BTG1: variants seen among roughly 807,000 people sequenced by gnomAD.
BTG1 encodes the protein protein BTG1.
A neutral mutation model predicts 15.2 loss-of-function variants in BTG1; 2 were observed. The ratio of observed to expected loss-of-function variants is 0.13; its 90% CI spans 0.05 to 0.41. The LOEUF is 0.41. BTG1 is among the 10% of genes least tolerant of loss of function. BTG1 has a pLI of 0.99. For missense variants in BTG1, 149 were observed against 215.0 expected, an observed-to-expected ratio of 0.69 and a Z score of 1.92; for synonymous variants, 109 against 82.4, an observed-to-expected ratio of 1.32 and a Z score of -1.75.
rs1448059014 is a variant in BTG1, at chr12:92,141,831, C to T, written c.*2249G>A. On this transcript the variant is annotated 3_prime_UTR_variant, in exon 2 of 2. Coordinates refer to ENST00000256015, the MANE Select transcript of BTG1 (RefSeq NM_001731.3). ...TTTTATTAACTGTTTCCATCATTTT[C>T]AAAGATTGAAAAAGTCTGATGTCAA... 4.3e-6 allele frequency: 1 copy of T among 231,312 alleles called. No homozygotes were observed. 14.3% of individuals were successfully genotyped at this position (231,312 alleles called of 1,614,324 possible).
At position 92,143,762 on chromosome 12, in the gene BTG1, G is replaced by T. The variant is rs141961372; in HGVS notation, c.*318C>A. On this transcript the variant is annotated 3_prime_UTR_variant, in exon 2 of 2. Transcript: ENST00000256015. The stretch of plus-strand genomic sequence containing the variant: ...GCAGAGAAAGATTCTTTGAAATACA[G>T]ATTTTCTTTAAAAGGATTGATGTAA... The T allele has an allele frequency of 3.3e-6, 1 of 303,728 alleles. No homozygotes were observed. Among genetic ancestry groups the T allele is most frequent in the Non-Finnish European group, 6.1e-6 (1 of 164,148 alleles). The allele number at this position is 303,728 out of a possible 1,614,324, so 18.8% of individuals were successfully genotyped here.
At position 92,143,179 on chromosome 12, in the gene BTG1, C is replaced by T; in HGVS notation, c.*901G>A. On this transcript the variant is annotated 3_prime_UTR_variant, in exon 2 of 2. Transcript: ENST00000256015. ...TATAGAGAGAAGAAAAATTTCTCAT[C>T]CAAAATATAGAAATCTGTACAACTT... 1 of 232,858 alleles carries T rather than the reference C, an allele frequency of 4.3e-6. No individual in the cohort carries two copies. Among genetic ancestry groups the T allele is most frequent in the Non-Finnish European group, 8.5e-6 (1 of 117,642 alleles). 14.4% of individuals were successfully genotyped at this position (232,858 alleles called of 1,614,324 possible). A position where few individuals can be genotyped will look rare whatever the true frequency, so the allele number is the denominator to read the frequency against.
Position 92,145,825 on chromosome 12 carries a change from G to C in BTG1, c.-290C>G, listed in dbSNP as rs556394268. ...GCAGCATTCGAAGATCTCAATAGCT[G>C]CATTTCCAGCTCCGAGAGGCGAAGA... On this transcript the variant is annotated 5_prime_UTR_variant, in exon 1 of 2. Coordinates refer to ENST00000256015, the MANE Select transcript of BTG1 (RefSeq NM_001731.3). 4.1e-6 allele frequency: 1 copy of C among 243,962 alleles called. No individual in the cohort carries two copies. The highest frequency in any genetic ancestry group is 7.9e-6 in the Non-Finnish European group (1 of 126,264). The allele number at this position is 243,962 out of a possible 1,614,324, so 15.1% of individuals were successfully genotyped here.
chr12:92,141,620 A>G lies in BTG1; in HGVS notation c.*2460T>C. Reference sequence around the variant, plus strand: ...TCAAAACATTCCCCAGAAACAGTGAACAAGAAATACATCACAAACAGCTAC... The same window carrying G: ...TCAAAACATTCCCCAGAAACAGTGAGCAAGAAATACATCACAAACAGCTAC... On this transcript the variant is annotated 3_prime_UTR_variant, in exon 2 of 2. Transcript: ENST00000256015. The G allele has an allele frequency of 4.3e-6, 1 of 231,158 alleles. No homozygotes were observed. The highest frequency in any genetic ancestry group is 8.6e-6 in the Non-Finnish European group (1 of 116,720). The allele number at this position is 231,158 out of a possible 1,614,324, so 14.3% of individuals were successfully genotyped here.
intron 1 of BTG1, 82 bp downstream of exon 1, chr12:92,145,306 C>A: frequency 7.3e-7 from 1 of 1,367,108 alleles, no homozygotes; most frequent in Non-Finnish European, 9.5e-7. Context: ...GGGGCGCTGC[C>A]GAGGTTCCCG....
Position 92,141,264 on chromosome 12 carries a change from G to T in BTG1, c.*2816C>A, listed in dbSNP as rs1486738974. ...TGTACCTGAAAGCCACTTTCTGGTG[G>T]CCTTTCCAGTCTATTATTATAGAAA... is the stretch of plus-strand genomic sequence containing the variant. On this transcript the variant is annotated 3_prime_UTR_variant, in exon 2 of 2. Coordinates refer to ENST00000256015, the MANE Select transcript of BTG1 (RefSeq NM_001731.3). 4 of 232,380 alleles carry T rather than the reference G, an allele frequency of 1.7e-5. No homozygotes were observed. The highest frequency in any genetic ancestry group is 3.4e-5 in the Non-Finnish European group (4 of 117,636). 14.4% of individuals were successfully genotyped at this position (232,380 alleles called of 1,614,324 possible).
Position 92,143,930 on chromosome 12 carries a change from A to ATTTTTT in BTG1, c.*144_*149dup. The ATTTTTT allele has an allele frequency of 1.2e-6, 1 of 806,296 alleles. No homozygotes were observed. Among genetic ancestry groups the ATTTTTT allele is most frequent in the Non-Finnish European group, 1.8e-6 (1 of 545,620 alleles). The allele number at this position is 806,296 out of a possible 1,614,324, so 49.9% of individuals were successfully genotyped here. ...CCAAACTATGGCACTGTCACTTAAA[A>ATTTTTT]TTTTTTTTTTTTTTACCATTCTATC... On this transcript the variant is annotated 3_prime_UTR_variant, in exon 2 of 2. Coordinates refer to ENST00000256015, the MANE Select transcript of BTG1 (RefSeq NM_001731.3).
At chr12:92,144,530 G>C (rs1870456087) in intron 1 of BTG1, 83 bp from the exon 2 acceptor site, 1 of 1,546,312 alleles carries the variant, frequency 6.5e-7, no homozygotes, top group South Asian at 1.2e-5. Flanking sequence ...AGGCTCCTTT[G>C]AGGAGCGAAA....
rs181483819 is a variant in BTG1, at chr12:92,145,838, C to T, written c.-303G>A. 56 of 236,642 alleles carry T rather than the reference C, an allele frequency of 2.4e-4. No individual in the cohort carries two copies. The highest frequency in any genetic ancestry group is 1.2e-3 in the African/African-American group (53 of 45,052). The allele number at this position is 236,642 out of a possible 1,614,324, so 14.7% of individuals were successfully genotyped here. A position where few individuals can be genotyped will look rare whatever the true frequency, so the allele number is the denominator to read the frequency against. On this transcript the variant is annotated 5_prime_UTR_variant, in exon 1 of 2. Coordinates refer to ENST00000256015, the MANE Select transcript of BTG1 (RefSeq NM_001731.3). ...ATCTCAATAGCTGCATTTCCAGCTC[C>T]GAGAGGCGAAGAGATGCAAGCGCCG...
rs773792312 is a variant in BTG1 at position 92,145,511 on chromosome 12, C to A, written c.25G>T (p.Ala9Ser). MHPFYTRA[A>S]TMIGEIAAAV... ...GCGGCGATCTCGCCTATCATGGTGG[C>A]GGCCCGGGTGTAGAAGGGATGCATG... Residue 9 changes from alanine to serine, a missense_variant, in exon 1 of 2, where the codon GCC (alanine) becomes TCC (serine). By Grantham distance (99) the Ala-to-Ser change is moderately conservative. Coordinates refer to ENST00000256015, the MANE Select transcript of BTG1 (RefSeq NM_001731.3). 3 of 1,576,926 alleles carry A rather than the reference C, an allele frequency of 1.9e-6. No individual in the cohort carries two copies. The highest frequency in any genetic ancestry group is 1.4e-5 in the African/African-American group (1 of 70,892).
chr12:92,142,482 A>G lies in BTG1; in HGVS notation c.*1598T>C, dbSNP rs535003294. ...TTCTATTATATGGGGTAGTGAAGTA[A>G]TCTACACTACAGCATTATCAAGGTT... On this transcript the variant is annotated 3_prime_UTR_variant, in exon 2 of 2. Coordinates refer to ENST00000256015, the MANE Select transcript of BTG1 (RefSeq NM_001731.3). 4.3e-6 allele frequency: 1 copy of G among 232,328 alleles called. No homozygotes were observed. Among genetic ancestry groups the G allele is most frequent in the East Asian group, 6.1e-5 (1 of 16,384 alleles). The allele number at this position is 232,328 out of a possible 1,614,324, so 14.4% of individuals were successfully genotyped here.
At position 92,144,021 on chromosome 12, in the gene BTG1, C is replaced by A. The variant is rs11554835; in HGVS notation, c.*59G>T. On this transcript the variant is annotated 3_prime_UTR_variant, in exon 2 of 2. Transcript: ENST00000256015. The stretch of plus-strand genomic sequence containing the variant: ...ATAATCCATCCCCAAGAGGAGCCCA[C>A]CCAAAGCAAAAATCAAATTTATCCA... 2.5e-6 allele frequency: 4 copies of A among 1,594,370 alleles called. No homozygotes were observed. The highest frequency in any genetic ancestry group is 3.4e-6 in the Non-Finnish European group (4 of 1,174,162).
chr12:92,143,158 G>A lies in BTG1; in HGVS notation c.*922C>T. 4.3e-6 allele frequency: 1 copy of A among 231,512 alleles called. No homozygotes were observed. Among genetic ancestry groups the A allele is most frequent in the Non-Finnish European group, 8.6e-6 (1 of 116,776 alleles). 14.3% of individuals were successfully genotyped at this position (231,512 alleles called of 1,614,324 possible). A position where few individuals can be genotyped will look rare whatever the true frequency, so the allele number is the denominator to read the frequency against. ...CCAAGATAAGAAACGATTTATTATA[G>A]AGAGAAGAAAAATTTCTCATCCAAA... On this transcript the variant is annotated 3_prime_UTR_variant, in exon 2 of 2. Coordinates refer to ENST00000256015, the MANE Select transcript of BTG1 (RefSeq NM_001731.3).
chr12:92,141,920 GTACT>G lies in BTG1; in HGVS notation c.*2156_*2159del, dbSNP rs751865743. On this transcript the variant is annotated 3_prime_UTR_variant, in exon 2 of 2. Transcript: ENST00000256015. ...ATGATAAAAAAAAAAAATGGTTGAG[GTACT>G]TAGTTTCAATGGAGTTACCAGATGA... 4.3e-6 allele frequency: 1 copy of G among 232,042 alleles called. No individual in the cohort carries two copies. The highest frequency in any genetic ancestry group is 1.8e-4 in the South Asian group (1 of 5,520). 14.4% of individuals were successfully genotyped at this position (232,042 alleles called of 1,614,324 possible).
rs1870403095 is a variant in BTG1, at chr12:92,143,792, T to G, written c.*288A>C. 1 of 331,332 alleles carries G rather than the reference T, an allele frequency of 3.0e-6. No individual in the cohort carries two copies. Among genetic ancestry groups the G allele is most frequent in the Admixed American group, 5.0e-5 (1 of 20,074 alleles). The allele number at this position is 331,332 out of a possible 1,614,324, so 20.5% of individuals were successfully genotyped here. A position where few individuals can be genotyped will look rare whatever the true frequency, so the allele number is the denominator to read the frequency against. ...TCTTTAAAAGGATTGATGTAAAAATTTAGGTATGTCTGGGAGAAACTGAAA... is the reference window on the plus strand; with the variant it reads ...TCTTTAAAAGGATTGATGTAAAAATGTAGGTATGTCTGGGAGAAACTGAAA... On this transcript the variant is annotated 3_prime_UTR_variant, in exon 2 of 2. Transcript: ENST00000256015.
rs2136943522 is a variant in BTG1 at position 92,140,911 on chromosome 12, TAG to T, written c.*3167_*3168del. 1 of 232,704 alleles carries T rather than the reference TAG, an allele frequency of 4.3e-6. No individual in the cohort carries two copies. The highest frequency in any genetic ancestry group is 5.6e-5 in the Admixed American group (1 of 17,792). The allele number at this position is 232,704 out of a possible 1,614,324, so 14.4% of individuals were successfully genotyped here. ...GAGGATTTTATCACATCATTTGAAA[TAG>T]GGGTGAAAAGGGGAGAGGAAGTATC... On this transcript the variant is annotated 3_prime_UTR_variant, in exon 2 of 2. Transcript: ENST00000256015.
rs1465538218 is a variant in BTG1 at position 92,143,590 on chromosome 12, T to C, written c.*490A>G. 1.7e-5 allele frequency: 4 copies of C among 240,344 alleles called. No individual in the cohort carries two copies. Among genetic ancestry groups the C allele is most frequent in the Admixed American group, 1.1e-4 (2 of 17,894 alleles). The allele number at this position is 240,344 out of a possible 1,614,324, so 14.9% of individuals were successfully genotyped here. ...ACTAGTTTGTCTTTATGTACATTTA[T>C]ACATATTTAAGTGCTAGGTAAAAGT... is the stretch of plus-strand genomic sequence containing the variant. On this transcript the variant is annotated 3_prime_UTR_variant, in exon 2 of 2. Transcript: ENST00000256015.
In BTG1 at chr12:92,145,488, G is replaced by A. The variant is rs779919245; in HGVS notation, c.48C>T (p.Ala16=). The change falls in exon 1 of 2, where the codon GCC becomes GCT. Residue 16 remains alanine (A), a synonymous_variant. Coordinates refer to ENST00000256015, the MANE Select transcript of BTG1 (RefSeq NM_001731.3). ...ACTTGGAGATGAAGGACACGGCGGC[G>A]GCGATCTCGCCTATCATGGTGGCGG... is the stretch of plus-strand genomic sequence containing the variant. ...TRAATMIGEI[A]AAVSFISKFL... The A allele has an allele frequency of 2.2e-5, 35 of 1,587,518 alleles. No homozygotes were observed. Among genetic ancestry groups the A allele is most frequent in the Admixed American group, 1.0e-4 (6 of 57,570 alleles).
Position 92,143,383 on chromosome 12 carries a change from A to C in BTG1, c.*697T>G, listed in dbSNP as rs1870375620. Reference sequence around the variant, plus strand: ...CTTTCTAAAAATAAGAAGTTTACTCAGTCTTAGAAAACTACAAGCTAGCAA... The same window carrying C: ...CTTTCTAAAAATAAGAAGTTTACTCCGTCTTAGAAAACTACAAGCTAGCAA... On this transcript the variant is annotated 3_prime_UTR_variant, in exon 2 of 2. Coordinates refer to ENST00000256015, the MANE Select transcript of BTG1 (RefSeq NM_001731.3). 4.3e-6 allele frequency: 1 copy of C among 233,164 alleles called. No individual in the cohort carries two copies. The highest frequency in any genetic ancestry group is 2.2e-5 in the African/African-American group (1 of 45,332). 14.4% of individuals were successfully genotyped at this position (233,164 alleles called of 1,614,324 possible).
Sources: allele counts gnomAD v4.1 joint callset, GRCh38; gene constraint gnomAD v4.1.1; transcripts MANE v1.5; gene names NCBI Gene and HGNC (gene_info 2026-07-23, HGNC 2026-07-21).